Variants in UBE2R2 observed in about 807,000 individuals in gnomAD.
The protein encoded by UBE2R2 is ubiquitin-conjugating enzyme E2 R2.
UBE2R2 carries 1 observed loss-of-function variant against 27.8 expected under a neutral mutation model. That is an observed-to-expected ratio of 0.04 (90% CI 0.01 to 0.17). The LOEUF (loss-of-function observed/expected upper bound fraction) is 0.17. UBE2R2 is among the 10% of genes least tolerant of loss of function. The probability of loss-of-function intolerance (pLI) is 1.00; values close to 1 mark genes in which losing one functional copy is unlikely to be tolerated. For missense variants in UBE2R2, 100 were observed against 291.0 expected (o/e 0.34, Z 4.78); for synonymous variants, 106 against 113.3 (o/e 0.94, Z 0.41).
chr9:33,901,882 C>T (rs1038062026), intron 3 of UBE2R2, among the ~76,000 whole-genome samples: 2 of 150,984 alleles, frequency 1.3e-5, no homozygotes, highest in African/African-American at 4.8e-5. Context: ...TGACAACCAT[C>T]ATCCCTCTGA....
At chr9:33,904,708 A>C (rs1822315211) in intron 3 of UBE2R2, among the ~76,000 whole-genome samples, 1 of 152,206 alleles carries the variant, frequency 6.6e-6, no homozygotes, top group African/African-American at 2.4e-5. Context: ...GGTGTTCACT[A>C]AAGGCTCGGT....
intron 1 of UBE2R2, 146 bp downstream of exon 1, chr9:33,818,080 A>C: frequency 1.2e-6 from 1 of 802,524 alleles, no homozygotes; most frequent in Non-Finnish European, 1.7e-6. Context: ...CCATCCCTGG[A>C]GGCAGGAAGG....
At chr9:33,872,656 C>G (rs544057288) in intron 1 of UBE2R2, among the ~76,000 whole-genome samples, 2 of 151,732 alleles carry the variant, frequency 1.3e-5, no homozygotes, top group South Asian at 4.2e-4. Flanking sequence ...CATGGTGGCA[C>G]ATGCCTGTAA....
At chr9:33,830,321 C>T (rs1820434240) in intron 1 of UBE2R2, among the ~76,000 whole-genome samples, 1 of 150,830 alleles carries the variant, frequency 6.6e-6, no homozygotes. Context: ...CCATGCCCAG[C>T]TAATTTTTGT....
chr9:33,863,971 C>T (rs146798682), intron 1 of UBE2R2, among the ~76,000 whole-genome samples: 41 of 152,148 alleles, frequency 2.7e-4, no homozygotes, highest in Middle Eastern at 3.4e-3. Context: ...CGGGCATGTA[C>T]CACCATGGCC....
At chr9:33,833,600 C>G (rs935903128) in intron 1 of UBE2R2, among the ~76,000 whole-genome samples, 5 of 152,176 alleles carry the variant, frequency 3.3e-5, no homozygotes, top group Admixed American at 2.0e-4. Context: ...TCTGTCACTT[C>G]TCAGTTACAT....
intron 1 of UBE2R2, among the ~76,000 whole-genome samples, chr9:33,879,560 T>C (rs1480497900): frequency 1.3e-5 from 2 of 150,936 alleles, no homozygotes; most frequent in Non-Finnish European, 3.0e-5. Flanking sequence ...CTCAGGTGAT[T>C]TTCCCACCTC....
chr9:33,877,833 C>T (rs906499856), intron 1 of UBE2R2, among the ~76,000 whole-genome samples: 1 of 150,460 alleles, frequency 6.6e-6, no homozygotes, highest in Non-Finnish European at 1.5e-5. Context: ...GTCTCTCTCT[C>T]TCTCTCTCTC....
At chr9:33,858,311 A>C (rs1460258202) in intron 1 of UBE2R2, among the ~76,000 whole-genome samples, 1 of 152,296 alleles carries the variant, frequency 6.6e-6, no homozygotes, top group East Asian at 1.9e-4. Flanking sequence ...CCGTCTTTAC[A>C]TTCTGATCAG....
intron 1 of UBE2R2, 87 bp downstream of exon 1, chr9:33,818,021 A>G (rs527271345): frequency 6.8e-6 from 10 of 1,467,584 alleles, no homozygotes; most frequent in African/African-American, 4.4e-5. Context: ...GACCAGGAGT[A>G]TGAGCACGGG....
intron 1 of UBE2R2, among the ~76,000 whole-genome samples, chr9:33,880,167 T>C (rs1431696135): frequency 6.6e-6 from 1 of 152,112 alleles, no homozygotes; most frequent in Non-Finnish European, 1.5e-5. Flanking sequence ...ATTATAGGTG[T>C]GAGCCACTGC....
At chr9:33,837,314 G>T (rs1820635384) in intron 1 of UBE2R2, among the ~76,000 whole-genome samples, 1 of 151,960 alleles carries the variant, frequency 6.6e-6, no homozygotes, top group Non-Finnish European at 1.5e-5. Context: ...AGCCTCCTGG[G>T]CTCAAGCGAT....
At chr9:33,827,893 C>T (rs1486322251) in intron 1 of UBE2R2, among the ~76,000 whole-genome samples, 2 of 151,494 alleles carry the variant, frequency 1.3e-5, no homozygotes, top group Non-Finnish European at 2.9e-5. Flanking sequence ...ATTGCTTGAA[C>T]CCGGGAGGCG....
intron 1 of UBE2R2, among the ~76,000 whole-genome samples, chr9:33,874,584 T>C (rs1195411523): frequency 6.6e-6 from 1 of 152,076 alleles, no homozygotes; most frequent in Admixed American, 6.6e-5. Context: ...ATATTATTAT[T>C]ATTTATCCTA....
intron 1 of UBE2R2, among the ~76,000 whole-genome samples, chr9:33,860,889 ACCCCACCCT>A (rs1373224255): frequency 2.8e-5 from 4 of 141,556 alleles, no homozygotes; most frequent in African/African-American, 7.9e-5. Flanking sequence ...AGACTGAGAC[ACCCCACCCT>A]CCCCACCCCC....
chr9:33,888,607 C>T (rs1057384459), intron 2 of UBE2R2, among the ~76,000 whole-genome samples: 1 of 152,164 alleles, frequency 6.6e-6, no homozygotes, highest in Non-Finnish European at 1.5e-5. Context: ...ACCTCCACCT[C>T]CTGGGTTCAA....
rs1158181937 is a variant in UBE2R2, at chr9:33,917,831, AGG to A, written c.*596_*597del. The A allele has an allele frequency of 3.9e-5, 6 of 154,574 alleles. No individual in the cohort carries two copies. The highest frequency in any genetic ancestry group is 1.4e-4 in the African/African-American group (6 of 41,446). The allele number at this position is 154,574 out of a possible 1,614,324, so 9.6% of individuals were successfully genotyped here. A position where few individuals can be genotyped will look rare whatever the true frequency, so the allele number is the denominator to read the frequency against. ...CTAAGGCTGGGACATGGTGGGCATC[AGG>A]GACTTTGTGCTAAGCCTGATGAAAT... On this transcript the variant is annotated 3_prime_UTR_variant, in exon 5 of 5. Coordinates refer to ENST00000263228, the MANE Select transcript of UBE2R2 (RefSeq NM_017811.4).
At chr9:33,846,502 TTCTCTC>T (rs372425893) in intron 1 of UBE2R2, among the ~76,000 whole-genome samples, 1 of 151,762 alleles carries the variant, frequency 6.6e-6, no homozygotes, top group Non-Finnish European at 1.5e-5. Flanking sequence ...AAGTCCACTT[TTCTCTC>T]TCTCTCTCTT....
chr9:33,820,000 GT>G (rs1250567394), intron 1 of UBE2R2, among the ~76,000 whole-genome samples: 6 of 152,204 alleles, frequency 3.9e-5, no homozygotes, highest in Admixed American at 2.6e-4. Context: ...GTGGAATAAA[GT>G]TTGATTTCCA....
Sources: gnomAD v4.1 joint callset for allele counts (sites outside exome capture counted in the v4.1 genomes callset) on GRCh38, gnomAD v4.1.1 for gene constraint, MANE v1.5 for transcripts, NCBI Gene and HGNC (gene_info 2026-07-23, HGNC 2026-07-21) for gene names.